Variants in SLC24A2 observed in about 807,000 individuals in gnomAD.
SLC24A2 encodes sodium/potassium/calcium exchanger 2.
Under a neutral mutation model 62.0 loss-of-function variants are expected in SLC24A2, and 36 were observed. The ratio of observed to expected loss-of-function variants is 0.58; its 90% CI spans 0.44 to 0.77. The LOEUF is 0.77. Ranked by LOEUF, SLC24A2 falls within the 30% of genes least tolerant of loss-of-function variation. SLC24A2 has a pLI of 0.00. For missense variants in SLC24A2, 846 were observed against 817.9 expected, an observed-to-expected ratio of 1.03 and a Z score of -0.42; for synonymous variants, 358 against 294.0, an observed-to-expected ratio of 1.22 and a Z score of -2.23.
chr9:20,235,576 G>A, the SLC24A2 span, among the ~76,000 whole-genome samples: 2 of 152,182 alleles, frequency 1.3e-5, no homozygotes, highest in African/African-American at 2.4e-5. Context: ...TAATCCCATT[G>A]GAAAAGTGCA....
At chr9:19,562,945 G>T (rs1835477461) in intron 7 of SLC24A2, among the ~76,000 whole-genome samples, 1 of 152,022 alleles carries the variant, frequency 6.6e-6, no homozygotes, top group African/African-American at 2.4e-5. Context: ...TTCTACAAAA[G>T]ATTTTAAAAA....
At chr9:19,792,995 T>G (rs1240843696), upstream of SLC24A2, among the ~76,000 whole-genome samples, 4 of 152,188 alleles carry the variant, frequency 2.6e-5, no homozygotes, top group African/African-American at 7.2e-5. Flanking sequence ...ACAATGACCC[T>G]CACTCTCCTC....
chr9:19,668,668 G>A (rs1819326532), intron 2 of SLC24A2, among the ~76,000 whole-genome samples: 1 of 152,100 alleles, frequency 6.6e-6, no homozygotes, highest in African/African-American at 2.4e-5. Flanking sequence ...GACATTTTCT[G>A]TTTCTGTCAG....
chr9:20,237,649 G>A, the SLC24A2 span, among the ~76,000 whole-genome samples: 9 of 152,284 alleles, frequency 5.9e-5, no homozygotes, highest in African/African-American at 1.9e-4. Context: ...TCAAGAAAGA[G>A]CACTCACCTG....
intron 2 of SLC24A2, among the ~76,000 whole-genome samples, chr9:19,720,512 A>T (rs1820991459): frequency 6.6e-6 from 1 of 152,224 alleles, no homozygotes; most frequent in African/African-American, 2.4e-5. Context: ...CACACGGATT[A>T]TGAGCCCTGA....
chr9:19,735,429 C>A (rs529699218), intron 2 of SLC24A2, among the ~76,000 whole-genome samples: 4 of 151,984 alleles, frequency 2.6e-5, no homozygotes, highest in Non-Finnish European at 5.9e-5. Flanking sequence ...CTAGTTCAAC[C>A]ATTGTGGAAG....
At chr9:20,250,839 A>G in the SLC24A2 span, among the ~76,000 whole-genome samples, 1 of 152,228 alleles carries the variant, frequency 6.6e-6, no homozygotes, top group Non-Finnish European at 1.5e-5. Flanking sequence ...ATACACCATC[A>G]GTTTGCAACC....
the SLC24A2 span, among the ~76,000 whole-genome samples, chr9:19,948,304 A>G: frequency 2.0e-5 from 3 of 152,160 alleles, no homozygotes; most frequent in Admixed American, 2.0e-4. Flanking sequence ...TTCCAATAAA[A>G]ATGAAGGCAG....
At chr9:19,994,244 A>T in the SLC24A2 span, among the ~76,000 whole-genome samples, 237 of 152,294 alleles carry the variant, frequency 1.6e-3, 1 homozygote, top group African/African-American at 5.4e-3. Flanking sequence ...TCTGCTGCCA[A>T]TTGCTAAATT....
intron 4 of SLC24A2, among the ~76,000 whole-genome samples, chr9:19,601,658 T>G (rs948018421): frequency 6.6e-6 from 1 of 152,158 alleles, no homozygotes; most frequent in Non-Finnish European, 1.5e-5. Context: ...TATTTTTTTT[T>G]TTCCTTTTTC....
rs1336097400 is a variant in SLC24A2 at position 19,528,120 on chromosome 9, GA to G, written c.1497del (p.Ile501SerfsTer16). ...GTAATGGAGCCAAAGAACGTGATGG[GA>G]AAAAACTTCCTCGATGACTGAAAGA... ...DVRKPSSRKF[F>X]PITFFGSITW... On this transcript the variant is annotated frameshift_variant, in exon 9 of 11. Coordinates refer to ENST00000341998, the MANE Select transcript of SLC24A2 (RefSeq NM_020344.4). LOFTEE classifies it high-confidence loss of function. 2 of 1,592,034 alleles carry G rather than the reference GA, an allele frequency of 1.3e-6. No homozygotes were observed. Among genetic ancestry groups the G allele is most frequent in the Non-Finnish European group, 1.7e-6 (2 of 1,167,996 alleles).
At chr9:19,613,212 C>G (rs549440527) in intron 4 of SLC24A2, among the ~76,000 whole-genome samples, 1 of 152,304 alleles carries the variant, frequency 6.6e-6, no homozygotes, top group Admixed American at 6.5e-5. Context: ...TGAATTTCTA[C>G]TAGTCATTTG....
At chr9:19,556,760 C>T (rs1478773726) in intron 7 of SLC24A2, among the ~76,000 whole-genome samples, 3 of 152,154 alleles carry the variant, frequency 2.0e-5, no homozygotes, top group African/African-American at 7.2e-5. Flanking sequence ...AAACATAATT[C>T]ATTGACTTTA....
At chr9:19,529,429 A>G (rs1833593804) in intron 8 of SLC24A2, among the ~76,000 whole-genome samples, 1 of 152,150 alleles carries the variant, frequency 6.6e-6, no homozygotes, top group Non-Finnish European at 1.5e-5. Context: ...CAAGTTTTCA[A>G]TATATATTTC....
intron 2 of SLC24A2, among the ~76,000 whole-genome samples, chr9:19,674,081 T>C (rs1819497105): frequency 6.6e-6 from 1 of 152,174 alleles, no homozygotes; most frequent in South Asian, 2.1e-4. Flanking sequence ...AGTGGTGAGC[T>C]CTCTCAGCAT....
chr9:20,131,159 G>A, the SLC24A2 span, among the ~76,000 whole-genome samples: 12 of 152,076 alleles, frequency 7.9e-5, no homozygotes, highest in African/African-American at 2.2e-4. Flanking sequence ...AGCAATACGC[G>A]CCCTGTGCAC....
chr9:20,269,157 T>A, the SLC24A2 span, among the ~76,000 whole-genome samples: 2 of 152,140 alleles, frequency 1.3e-5, no homozygotes, highest in African/African-American at 4.8e-5. Context: ...CCTAAGTTGG[T>A]GTGCAGGAGG....
At chr9:20,071,984 C>A in the SLC24A2 span, among the ~76,000 whole-genome samples, 1 of 152,000 alleles carries the variant, frequency 6.6e-6, no homozygotes, top group African/African-American at 2.4e-5. Context: ...ACGGCAAGGT[C>A]TGGAAGGGTC....
the SLC24A2 span, among the ~76,000 whole-genome samples, chr9:19,869,685 C>T: frequency 1.4e-4 from 21 of 152,090 alleles, no homozygotes; most frequent in Non-Finnish European, 4.4e-5. Flanking sequence ...CCTTTTCCTC[C>T]CTCTTCCTTT....
Sources: gnomAD v4.1 joint callset for allele counts (sites outside exome capture counted in the v4.1 genomes callset) on GRCh38, gnomAD v4.1.1 for gene constraint, MANE v1.5 for transcripts, NCBI Gene and HGNC (gene_info 2026-07-23, HGNC 2026-07-21) for gene names.